Variants in BRI3BP observed in about 807,000 individuals in gnomAD.
BRI3BP encodes BRI3 binding protein.
A neutral mutation model predicts 15.8 loss-of-function variants in BRI3BP; 7 were observed. The observed-to-expected ratio is 0.44, with a 90% CI of 0.25 to 0.83. The LOEUF (loss-of-function observed/expected upper bound fraction) is 0.83, where lower values mean the gene tolerates loss of function less well. Ranked by LOEUF, BRI3BP falls within the 40% of genes least tolerant of loss-of-function variation. The pLI is 0.20. For synonymous variants in BRI3BP, 192 were observed against 163.5 expected (o/e 1.17, Z -1.33); for missense variants, 320 against 339.3 (o/e 0.94, Z 0.45).
intron 2 of BRI3BP, among the ~76,000 whole-genome samples, chr12:125,023,172 C>G (rs1252675095): frequency 1.3e-5 from 2 of 152,172 alleles, no homozygotes; most frequent in Non-Finnish European, 2.9e-5. Context: ...TTGGCTTAAC[C>G]AAGATGGACA....
At chr12:125,037,793 C>T in the BRI3BP span, among the ~76,000 whole-genome samples, 2 of 138,278 alleles carry the variant, frequency 1.4e-5, no homozygotes, top group Admixed American at 1.5e-4. Flanking sequence ...GCCTGGGCAA[C>T]AGAGCAAGAC....
chr12:124,995,748 G>C (rs1230101570), intron 1 of BRI3BP, among the ~76,000 whole-genome samples: 2 of 152,204 alleles, frequency 1.3e-5, no homozygotes, highest in Non-Finnish European at 2.9e-5. Context: ...GAGACACAGA[G>C]CAGTGAAGTG....
intron 2 of BRI3BP, among the ~76,000 whole-genome samples, chr12:125,016,344 C>A (rs78468270): frequency 0.018 from 2,520 of 137,830 alleles, 63 homozygotes; most frequent in African/African-American, 0.061. Flanking sequence ...TCTATAATTT[C>A]TTTCTTCAGT....
intron 2 of BRI3BP, among the ~76,000 whole-genome samples, chr12:125,015,962 C>T (rs931519768): frequency 2.6e-5 from 4 of 152,148 alleles, no homozygotes; most frequent in African/African-American, 9.7e-5. Flanking sequence ...TCTGTGTTTT[C>T]GTCGCCACCC....
At chr12:125,016,538 G>A (rs1485731754) in intron 2 of BRI3BP, among the ~76,000 whole-genome samples, 1 of 149,672 alleles carries the variant, frequency 6.7e-6, no homozygotes, top group Non-Finnish European at 1.5e-5. Flanking sequence ...GGAGTGGGGG[G>A]TAGGAGGGAC....
At chr12:125,017,135 T>C (rs1261308330) in intron 2 of BRI3BP, among the ~76,000 whole-genome samples, 1 of 151,686 alleles carries the variant, frequency 6.6e-6, no homozygotes, top group Non-Finnish European at 1.5e-5. Flanking sequence ...TTCTCGTGCC[T>C]CAGTCTCCCG....
At chr12:125,047,357 G>T in the BRI3BP span, among the ~76,000 whole-genome samples, 1 of 152,112 alleles carries the variant, frequency 6.6e-6, no homozygotes, top group Non-Finnish European at 1.5e-5. Flanking sequence ...TGTATTTTTA[G>T]TAATATGGGG....
Position 125,028,899 on chromosome 12 carries a change from G to T in BRI3BP, c.*3469G>T, listed in dbSNP as rs1269810732. ...TTGTACCATATCTCATACCTGGAGA[G>T]AAACCTTTTTTCTATCTTCAGGGCT... On this transcript the variant is annotated 3_prime_UTR_variant, in exon 3 of 3. Coordinates refer to ENST00000341446, the MANE Select transcript of BRI3BP (RefSeq NM_080626.6). The T allele has an allele frequency of 6.6e-6, 1 of 152,146 alleles. No homozygotes were observed. Among genetic ancestry groups the T allele is most frequent in the Non-Finnish European group, 1.5e-5 (1 of 68,024 alleles). 9.4% of individuals were successfully genotyped at this position (152,146 alleles called of 1,614,324 possible).
At chr12:125,045,057 C>G in the BRI3BP span, among the ~76,000 whole-genome samples, 1 of 152,152 alleles carries the variant, frequency 6.6e-6, no homozygotes, top group Non-Finnish European at 1.5e-5. Context: ...ATTCTTATAT[C>G]TATACCTGAC....
Position 124,993,967 on chromosome 12 carries a change from C to A in BRI3BP, c.177C>A (p.Ser59Arg). ...TVNTFSQSVSSLFGEDNVRAA... is the reference protein window; with the variant it reads ...TVNTFSQSVSRLFGEDNVRAA... ...ACACCTTCTCCCAGAGCGTCAGCAGCCTGTTCGGCGAGGACAACGTGCGCG... is the reference window on the plus strand; with the variant it reads ...ACACCTTCTCCCAGAGCGTCAGCAGACTGTTCGGCGAGGACAACGTGCGCG... Residue 59 changes from serine (S) to arginine (R), a missense_variant, in exon 1 of 3, where the codon AGC becomes AGA. Physicochemically the swap from Ser to Arg is moderately radical, Grantham distance 110. Transcript: ENST00000341446. 7.3e-7 allele frequency: 1 copy of A among 1,364,550 alleles called. No individual in the cohort carries two copies. 84.5% of individuals were successfully genotyped at this position (1,364,550 alleles called of 1,614,324 possible).
the BRI3BP span, among the ~76,000 whole-genome samples, chr12:125,050,593 G>C: frequency 6.6e-6 from 1 of 152,224 alleles, no homozygotes; most frequent in South Asian, 2.1e-4. Flanking sequence ...TCTGTGCCCT[G>C]CCTCGTGCTA....
intron 2 of BRI3BP, among the ~76,000 whole-genome samples, chr12:125,024,166 G>T (rs1450653201): frequency 1.3e-5 from 2 of 152,190 alleles, no homozygotes; most frequent in East Asian, 3.9e-4. Flanking sequence ...GAAGGCAAAG[G>T]AGAAGCAAGC....
At chr12:125,034,354 T>A (rs752656616), downstream of BRI3BP, among the ~76,000 whole-genome samples, 28 of 152,178 alleles carry the variant, frequency 1.8e-4, no homozygotes, top group Non-Finnish European at 3.8e-4. Context: ...CCCCTTTTTT[T>A]AAAAAAAGAA....
At chr12:125,001,257 C>T (rs1227118061) in intron 1 of BRI3BP, among the ~76,000 whole-genome samples, 1 of 152,006 alleles carries the variant, frequency 6.6e-6, no homozygotes, top group Non-Finnish European at 1.5e-5. Flanking sequence ...GGGGTTTCAC[C>T]GTGTTAGCCA....
chr12:125,024,970 T>C (rs1955336883), intron 2 of BRI3BP, 21 bp from the exon 3 acceptor site: 1 of 1,593,596 alleles, frequency 6.3e-7, no homozygotes, highest in African/African-American at 1.3e-5. Flanking sequence ...ACGAGCCCTG[T>C]TCCTCTTTTC....
At chr12:125,037,526 G>A in the BRI3BP span, among the ~76,000 whole-genome samples, 1 of 151,906 alleles carries the variant, frequency 6.6e-6, no homozygotes, top group Non-Finnish European at 1.5e-5. Context: ...AAACTGGTGC[G>A]TGTGGCCAGG....
At chr12:125,006,165 A>T (rs1323439647) in intron 1 of BRI3BP, among the ~76,000 whole-genome samples, 2 of 151,998 alleles carry the variant, frequency 1.3e-5, no homozygotes, top group Non-Finnish European at 2.9e-5. Flanking sequence ...GTCTCCAAAT[A>T]CAGTCCCATT....
chr12:125,016,826 T>G (rs1369010657), intron 2 of BRI3BP, among the ~76,000 whole-genome samples: 70 of 9,222 alleles, frequency 7.6e-3, no homozygotes, highest in African/African-American at 0.023. Context: ...GCGCCCAGCC[T>G]TTTTTTTTTT....
At chr12:125,005,912 C>T (rs1303408464) in intron 1 of BRI3BP, among the ~76,000 whole-genome samples, 1 of 152,142 alleles carries the variant, frequency 6.6e-6, no homozygotes, top group Admixed American at 6.6e-5. Context: ...GTCGCCTAAA[C>T]AGCAGACATA....
Sources: gnomAD v4.1 joint callset for allele counts (sites outside exome capture counted in the v4.1 genomes callset) on GRCh38, gnomAD v4.1.1 for gene constraint, MANE v1.5 for transcripts, NCBI Gene and HGNC (gene_info 2026-07-23, HGNC 2026-07-21) for gene names.